Variants in GRM8 observed in about 807,000 individuals in gnomAD.
The protein encoded by GRM8 is glutamate metabotropic receptor 8, also known as metabotropic glutamate receptor 8.
In GRM8, 47 loss-of-function variants were observed where a neutral mutation model predicts 87.2. The observed-to-expected ratio is 0.54, with a 90% CI of 0.43 to 0.69. The LOEUF is 0.69. Ranked by LOEUF, GRM8 falls within the 30% of genes least tolerant of loss-of-function variation. GRM8 has a pLI of 0.00. For missense variants in GRM8, 1,019 were observed against 1,139.2 expected (o/e 0.89, Z 1.52); for synonymous variants, 396 against 404.5 (o/e 0.98, Z 0.25).
intron 3 of GRM8, among the ~76,000 whole-genome samples, chr7:126,970,052 C>G (rs1470713593): frequency 6.6e-6 from 1 of 151,968 alleles, no homozygotes; most frequent in East Asian, 1.9e-4. Flanking sequence ...ATTCATTAAA[C>G]CATGCTATAA....
At chr7:127,211,318 T>A (rs921775432) in intron 2 of GRM8, among the ~76,000 whole-genome samples, 5 of 151,724 alleles carry the variant, frequency 3.3e-5, no homozygotes, top group Non-Finnish European at 7.4e-5. Context: ...GAAGTTGGAG[T>A]CTGATGTTTG....
At chr7:127,040,047 GT>G (rs1818267900) in intron 3 of GRM8, among the ~76,000 whole-genome samples, 39 of 24,114 alleles carry the variant, frequency 1.6e-3, no homozygotes, top group African/African-American at 2.2e-3. Flanking sequence ...GGTGAGGAGG[GT>G]GGGGAGGAGG....
chr7:126,530,407 G>A (rs1407563453), intron 9 of GRM8, among the ~76,000 whole-genome samples: 1 of 152,154 alleles, frequency 6.6e-6, no homozygotes, highest in African/African-American at 2.4e-5. Flanking sequence ...CCCCGCCCTT[G>A]AGCCTGATCC....
intron 3 of GRM8, among the ~76,000 whole-genome samples, chr7:126,947,877 C>G (rs141768412): frequency 1.3e-5 from 2 of 152,224 alleles, no homozygotes; most frequent in East Asian, 3.9e-4. Context: ...TAATGGTGCT[C>G]TAAGGATGAG....
chr7:126,671,422 A>C (rs1397579795), intron 7 of GRM8, among the ~76,000 whole-genome samples: 1 of 152,184 alleles, frequency 6.6e-6, no homozygotes, highest in African/African-American at 2.4e-5. Flanking sequence ...ATAAGACTAA[A>C]GTCTGTTTTA....
At chr7:126,675,717 A>G (rs4731321) in intron 7 of GRM8, among the ~76,000 whole-genome samples, 9,470 of 152,252 alleles carry the variant, frequency 0.062, 618 homozygotes, top group East Asian at 0.32. Context: ...TCTTCAACAA[A>G]CTAGGAATAG....
Position 126,476,460 on chromosome 7 carries a change from C to G in GRM8, c.2431-30088G>C, listed in dbSNP as rs77489222. On this transcript the variant is annotated intron_variant, in intron 9 of 10. Coordinates refer to ENST00000339582, the MANE Select transcript of GRM8 (RefSeq NM_000845.3). ...GGAAAGGAAACAGCAAATAAAAATA[C>G]AAGTTGTGAAAATAGAGAAAGTATT... Among the ~76,000 whole-genome samples the G allele has an allele frequency of 4.7e-3, 713 of 152,184 alleles. 3 individuals carry two copies. The highest frequency in any genetic ancestry group is 0.016 in the African/African-American group (684 of 41,558).
intron 3 of GRM8, among the ~76,000 whole-genome samples, chr7:126,992,004 T>C (rs1337007564): frequency 6.6e-6 from 1 of 152,150 alleles, no homozygotes; most frequent in East Asian, 1.9e-4. Flanking sequence ...ATGCAGCAGC[T>C]AAATATATAA....
At chr7:126,783,747 T>C (rs778483734) in intron 6 of GRM8, among the ~76,000 whole-genome samples, 2 of 152,200 alleles carry the variant, frequency 1.3e-5, no homozygotes, top group Non-Finnish European at 2.9e-5. Flanking sequence ...GGCAGGATAA[T>C]TTCCATAATA....
intron 8 of GRM8, among the ~76,000 whole-genome samples, chr7:126,557,499 T>C (rs116990499): frequency 1.3e-5 from 2 of 152,274 alleles, no homozygotes; most frequent in Non-Finnish European, 2.9e-5. Flanking sequence ...TCCTTTCAGT[T>C]TTAGTAAAAC....
chr7:126,654,201 C>T (rs1265308821), intron 7 of GRM8, among the ~76,000 whole-genome samples: 1 of 152,198 alleles, frequency 6.6e-6, no homozygotes, highest in Non-Finnish European at 1.5e-5. Flanking sequence ...TTCAGACCAA[C>T]TCATGGTCTT....
At chr7:126,443,987 G>A (rs1380249210) in intron 10 of GRM8, among the ~76,000 whole-genome samples, 1 of 151,864 alleles carries the variant, frequency 6.6e-6, no homozygotes, top group Non-Finnish European at 1.5e-5. Flanking sequence ...TTCCAAAGGT[G>A]AGTCTGAATG....
At chr7:126,856,396 CAGT>C (rs1456844844) in intron 6 of GRM8, among the ~76,000 whole-genome samples, 1 of 151,970 alleles carries the variant, frequency 6.6e-6, no homozygotes, top group Non-Finnish European at 1.5e-5. Flanking sequence ...TGAGTAGATG[CAGT>C]TGAAATATGG....
intron 8 of GRM8, among the ~76,000 whole-genome samples, chr7:126,569,917 G>T (rs771344719): frequency 6.6e-6 from 1 of 152,096 alleles, no homozygotes; most frequent in Non-Finnish European, 1.5e-5. Flanking sequence ...CCTTAAAAAT[G>T]CTTGGAGTTA....
chr7:127,041,015 GAAAT>G (rs1554576974), intron 3 of GRM8, among the ~76,000 whole-genome samples: 1 of 152,208 alleles, frequency 6.6e-6, no homozygotes, highest in Non-Finnish European at 1.5e-5. Context: ...TCATGTTTGA[GAAAT>G]AAATAATGGC....
chr7:126,690,717 A>C (rs1245260469), intron 7 of GRM8, among the ~76,000 whole-genome samples: 1 of 152,102 alleles, frequency 6.6e-6, no homozygotes, highest in East Asian at 1.9e-4. Context: ...CAGACAAGTG[A>C]AGGGTGAGCA....
At chr7:126,620,244 C>T (rs575272053) in intron 7 of GRM8, among the ~76,000 whole-genome samples, 48 of 152,220 alleles carry the variant, frequency 3.2e-4, no homozygotes, top group African/African-American at 1.1e-3. Flanking sequence ...ACTAGAATTG[C>T]GCTACTGCAC....
chr7:127,180,611 C>T (rs190443907), intron 2 of GRM8, among the ~76,000 whole-genome samples: 2 of 152,246 alleles, frequency 1.3e-5, no homozygotes, highest in African/African-American at 2.4e-5. Context: ...AAAATACTAG[C>T]TAACCGAATC....
At chr7:126,702,807 T>C (rs1810076362) in intron 7 of GRM8, among the ~76,000 whole-genome samples, 1 of 152,142 alleles carries the variant, frequency 6.6e-6, no homozygotes, top group Non-Finnish European at 1.5e-5. Flanking sequence ...CCATGTTAAG[T>C]TCCCTTCTGA....
Sources: gnomAD v4.1 joint callset for allele counts (sites outside exome capture counted in the v4.1 genomes callset) on GRCh38, gnomAD v4.1.1 for gene constraint, MANE v1.5 for transcripts, NCBI Gene and HGNC (gene_info 2026-07-23, HGNC 2026-07-21) for gene names.